The following MAF variants were observed in gnomAD, a reference collection of about 807,000 sequenced individuals.
MAF encodes the protein transcription factor Maf.
A neutral mutation model predicts 22.0 loss-of-function variants in MAF; 10 were observed. The observed-to-expected ratio is 0.45, with a 90% CI of 0.28 to 0.77. The LOEUF (loss-of-function observed/expected upper bound fraction) is 0.77. MAF is among the 30% of genes least tolerant of loss of function. The pLI is 0.12. For missense variants in MAF, 544 were observed against 548.4 expected (o/e 0.99, Z 0.08); for synonymous variants, 337 against 255.8 (o/e 1.32, Z -3.03).
At chr16:79,444,360 A>G in the MAF span, among the ~76,000 whole-genome samples, 4 of 152,240 alleles carry the variant, frequency 2.6e-5, no homozygotes, top group Non-Finnish European at 5.9e-5. Context: ...TATTTTAATA[A>G]TGAAAATTAA....
At chr16:79,301,472 G>A in the MAF span, among the ~76,000 whole-genome samples, 1 of 152,172 alleles carries the variant, frequency 6.6e-6, no homozygotes, top group Non-Finnish European at 1.5e-5. Flanking sequence ...GCTGGAGGAG[G>A]CCAAAGGGAG....
At chr16:79,479,497 G>C in the MAF span, among the ~76,000 whole-genome samples, 1 of 152,196 alleles carries the variant, frequency 6.6e-6, no homozygotes, top group East Asian at 1.9e-4. Context: ...AATGGAATTT[G>C]TCAGGGCGGG....
At chr16:79,257,910 A>C in the MAF span, among the ~76,000 whole-genome samples, 2 of 152,176 alleles carry the variant, frequency 1.3e-5, no homozygotes, top group Non-Finnish European at 2.9e-5. Flanking sequence ...TTTTGCCCAG[A>C]TGTTATCAGT....
chr16:79,352,294 T>C, the MAF span, among the ~76,000 whole-genome samples: 4 of 152,138 alleles, frequency 2.6e-5, no homozygotes, highest in Non-Finnish European at 5.9e-5. Flanking sequence ...TCCTTAGAAA[T>C]AATCACGTAT....
the MAF span, among the ~76,000 whole-genome samples, chr16:79,493,600 A>G: frequency 1.3e-5 from 2 of 152,228 alleles, no homozygotes; most frequent in Non-Finnish European, 2.9e-5. Context: ...GGCATGAGCC[A>G]CTGTGCCCAG....
the MAF span, among the ~76,000 whole-genome samples, chr16:79,433,737 T>C: frequency 6.6e-6 from 1 of 152,166 alleles, no homozygotes; most frequent in South Asian, 2.1e-4. Flanking sequence ...TCCTGGATGA[T>C]AGTATCACAT....
the MAF span, among the ~76,000 whole-genome samples, chr16:79,419,653 GC>G: frequency 1.3e-5 from 2 of 152,124 alleles, no homozygotes; most frequent in African/African-American, 2.4e-5. Context: ...AATGAGAACA[GC>G]CCCACTCAGA....
chr16:79,567,225 G>A, the MAF span, among the ~76,000 whole-genome samples: 11,469 of 152,228 alleles, frequency 0.075, 558 homozygotes, highest in Non-Finnish European at 0.11. Context: ...GGCTGAGGCA[G>A]GAGAATCGCT....
chr16:79,253,157 TGCAAGGCACAGCCCTGAC>T, the MAF span, among the ~76,000 whole-genome samples: 2 of 152,134 alleles, frequency 1.3e-5, 1 homozygote, highest in Admixed American at 1.3e-4. Context: ...CTGTGACCTT[TGCAAGGCACAGCCCTGAC>T]GCAAGGATGC....
the MAF span, among the ~76,000 whole-genome samples, chr16:79,403,790 T>A: frequency 6.6e-6 from 1 of 152,252 alleles, no homozygotes; most frequent in East Asian, 1.9e-4. Flanking sequence ...AATAAGAGGG[T>A]GGCTCAACAA....
At chr16:79,594,674 T>G in intron 1 of MAF, 121 bp from the exon 2 acceptor site, 2 of 1,503,444 alleles carry the variant, frequency 1.3e-6, no homozygotes, top group Admixed American at 2.2e-5. Context: ...CTTATTGTAA[T>G]GAATGGCACT....
chr16:79,241,256 G>A, the MAF span, among the ~76,000 whole-genome samples: 140 of 152,192 alleles, frequency 9.2e-4, no homozygotes, highest in African/African-American at 3.3e-3. Flanking sequence ...AGCTAAAGGA[G>A]CATGTTCTAA....
the MAF span, among the ~76,000 whole-genome samples, chr16:79,367,896 C>A: frequency 3.1e-3 from 478 of 152,296 alleles, 1 homozygote; most frequent in African/African-American, 0.01. Flanking sequence ...TCCTTCAGAT[C>A]TCACAGGCTC....
the MAF span, among the ~76,000 whole-genome samples, chr16:79,272,025 C>T: frequency 2.0e-5 from 3 of 152,190 alleles, no homozygotes; most frequent in African/African-American, 7.2e-5. Context: ...TTCACACAAA[C>T]AAGGGTAGTT....
the MAF span, among the ~76,000 whole-genome samples, chr16:79,277,315 G>T: frequency 1.3e-5 from 2 of 152,092 alleles, no homozygotes; most frequent in Non-Finnish European, 1.5e-5. Context: ...TATGACTTTT[G>T]GGGGGTGCCC....
the MAF span, among the ~76,000 whole-genome samples, chr16:79,432,669 G>C: frequency 7.7e-4 from 117 of 152,248 alleles, 1 homozygote; most frequent in Non-Finnish European, 1.4e-3. Flanking sequence ...AAGTAGTTAA[G>C]ATGAAGTCAT....
the MAF span, among the ~76,000 whole-genome samples, chr16:79,404,376 A>G: frequency 3.9e-4 from 59 of 152,106 alleles, no homozygotes; most frequent in Admixed American, 7.2e-4. Context: ...GTTGGCCAGG[A>G]TAGTCTCGAT....
the MAF span, among the ~76,000 whole-genome samples, chr16:79,290,434 G>T: frequency 3.3e-5 from 5 of 152,114 alleles, no homozygotes; most frequent in Admixed American, 6.5e-5. Context: ...ATACCCTTTG[G>T]GTTCAAAAAG....
At chr16:79,565,546 G>A in the MAF span, among the ~76,000 whole-genome samples, 1 of 152,088 alleles carries the variant, frequency 6.6e-6, no homozygotes, top group Non-Finnish European at 1.5e-5. Flanking sequence ...AATCATGGGG[G>A]TGGTTACCTC....
Sources: gnomAD v4.1 joint callset for allele counts (sites outside exome capture counted in the v4.1 genomes callset) on GRCh38, gnomAD v4.1.1 for gene constraint, MANE v1.5 for transcripts, NCBI Gene and HGNC (gene_info 2026-07-23, HGNC 2026-07-21) for gene names.